Variants in CEP104 observed in about 807,000 individuals in gnomAD.
CEP104 encodes centrosomal protein of 104 kDa.
CEP104 carries 84 observed loss-of-function variants against 113.3 expected under a neutral mutation model. The observed-to-expected ratio is 0.74, with a 90% CI of 0.62 to 0.89. CEP104 has a LOEUF of 0.89. Among genes scored for constraint, CEP104 ranks in the 40% least tolerant of loss-of-function variants. CEP104 has a pLI of 0.00. For synonymous variants in CEP104, 378 were observed against 421.7 expected (o/e 0.90, Z 1.27); for missense variants, 1,053 against 1,156.6 (o/e 0.91, Z 1.30).
rs534757214 is a variant in CEP104, at chr1:3,812,148, A to T, written c.*3254T>A. On this transcript the variant is annotated 3_prime_UTR_variant, in exon 22 of 22. Coordinates refer to ENST00000378230, the MANE Select transcript of CEP104 (RefSeq NM_014704.4). The stretch of plus-strand genomic sequence containing the variant: ...GAATTAACCCTTAAGCCCTAAAACG[A>T]CAACAAAAATATATTACTTAGATAT... 35 of 152,324 alleles carry T rather than the reference A, an allele frequency of 2.3e-4. No individual in the cohort carries two copies. Among genetic ancestry groups the T allele is most frequent in the African/African-American group, 7.2e-4 (30 of 41,582 alleles). The allele number at this position is 152,324 out of a possible 1,614,324, so 9.4% of individuals were successfully genotyped here.
chr1:3,825,842 C>T lies in CEP104; in HGVS notation c.2280G>A (p.Arg760=). 6.2e-7 allele frequency: 1 copy of T among 1,613,218 alleles called. No individual in the cohort carries two copies. Among genetic ancestry groups the T allele is most frequent in the South Asian group, 1.1e-5 (1 of 91,052 alleles). Residue 760 remains arginine (R), a synonymous_variant, in exon 18 of 22, where the codon AGG becomes AGA. Transcript: ENST00000378230. Reference sequence around the variant, plus strand: ...GACCTTCCTCTGTGAAGGATTCACTCCTTTCCCCACAAAAAATACACAAAC... The same window carrying T: ...GACCTTCCTCTGTGAAGGATTCACTTCTTTCCCCACAAAAAATACACAAAC... ...LDNLCIFCGE[R]SESFTEEGLD...
At chr1:3,844,645 C>G (rs1193592413) in intron 6 of CEP104, among the ~76,000 whole-genome samples, 1 of 129,618 alleles carries the variant, frequency 7.7e-6, no homozygotes, top group Admixed American at 9.4e-5. Context: ...TTATAGTGAG[C>G]CGAGATTGTG....
chr1:3,816,622 C>T (rs1357782374), intron 20 of CEP104, among the ~76,000 whole-genome samples: 1 of 152,258 alleles, frequency 6.6e-6, no homozygotes, highest in Non-Finnish European at 1.5e-5. Flanking sequence ...CATCCCCACC[C>T]AGCCACACAG....
rs1475050855 is a variant in CEP104, at chr1:3,834,918, C to A, written c.1485+7G>T. 18 of 1,574,026 alleles carry A rather than the reference C, an allele frequency of 1.1e-5. No individual in the cohort carries two copies. Among genetic ancestry groups the A allele is most frequent in the Non-Finnish European group, 1.6e-5 (18 of 1,158,604 alleles). On this transcript the variant is annotated splice_region_variant and intron_variant, in intron 11 of 21. Transcript: ENST00000378230. ...CGCTGGAGCCAGCGCCAGCTGAGGG[C>A]ACTCACGGAGGTCACAATGTCCTTT...
chr1:3,847,336 C>CA, intron 4 of CEP104, 139 bp downstream of exon 4: 1 of 896,850 alleles, frequency 1.1e-6, no homozygotes, highest in Non-Finnish European at 1.7e-6. Flanking sequence ...CAGCACAGCT[C>CA]AGAGAGCTCA....
Position 3,829,315 on chromosome 1 carries a change from GC to G in CEP104, c.2101del (p.Ala701LeufsTer9). ...CAGTGCTGCCAGCTGCCCTTGTAAAGCTTTTATTTCTTCTTTCTTTTGTTTT... is the reference window on the plus strand; with the variant it reads ...CAGTGCTGCCAGCTGCCCTTGTAAAGTTTTATTTCTTCTTTCTTTTGTTTT... Reference protein sequence around the residue: ...AEKQKKEEIKALQGQLAALKE... With the variant: ...AEKQKKEEIKXLQGQLAALKE... On this transcript the variant is annotated frameshift_variant, in exon 15 of 22. Transcript: ENST00000378230. LOFTEE classifies it high-confidence loss of function. 6.2e-7 allele frequency: 1 copy of G among 1,601,856 alleles called. No homozygotes were observed. Among genetic ancestry groups the G allele is most frequent in the Non-Finnish European group, 8.5e-7 (1 of 1,177,644 alleles).
intron 12 of CEP104, among the ~76,000 whole-genome samples, chr1:3,832,239 G>A (rs534539168): frequency 0.046 from 889 of 19,532 alleles, 10 homozygotes; most frequent in African/African-American, 0.17. Context: ...ACATTAGGTC[G>A]TAACCAGGAG....
At chr1:3,816,835 C>T (rs1282343687) in intron 20 of CEP104, among the ~76,000 whole-genome samples, 2 of 152,298 alleles carry the variant, frequency 1.3e-5, no homozygotes. Context: ...ACGCCACATG[C>T]ACTTGCCCTG....
chr1:3,834,623 G>A (rs1187095008), intron 11 of CEP104, among the ~76,000 whole-genome samples: 2 of 152,262 alleles, frequency 1.3e-5, no homozygotes, highest in African/African-American at 2.4e-5. Flanking sequence ...AACTGAAGAT[G>A]TGGTAGCATT....
intron 12 of CEP104, 146 bp from the exon 13 acceptor site, chr1:3,831,368 T>C: frequency 3.4e-6 from 2 of 594,688 alleles, no homozygotes; most frequent in Non-Finnish European, 5.8e-6. Context: ...AGAGCACTGA[T>C]CCGTAAGCTT....
intron 18 of CEP104, among the ~76,000 whole-genome samples, chr1:3,824,023 C>A (rs1644034477): frequency 6.6e-6 from 1 of 152,236 alleles, no homozygotes; most frequent in Admixed American, 6.5e-5. Context: ...TAACTTCAGG[C>A]CGCAGGACTT....
At position 3,837,295 on chromosome 1, in the gene CEP104, G is replaced by A; in HGVS notation, c.1116C>T (p.Ile372=). 1 of 1,607,498 alleles carries A rather than the reference G, an allele frequency of 6.2e-7. No individual in the cohort carries two copies. Among genetic ancestry groups the A allele is most frequent in the Non-Finnish European group, 8.5e-7 (1 of 1,174,274 alleles). Residue 372 remains isoleucine, a synonymous_variant, in exon 9 of 22, where the codon ATC becomes ATT. Coordinates refer to ENST00000378230, the MANE Select transcript of CEP104 (RefSeq NM_014704.4). ...LLPATDPHPK[I]NAESLPYDER... Reference sequence around the variant, plus strand: ...AATCTGAAACAGAATTACCTACATTGATCTTTGGATGAGGATCTGTGGCAG... The same window carrying A: ...AATCTGAAACAGAATTACCTACATTAATCTTTGGATGAGGATCTGTGGCAG...
chr1:3,855,591 A>G (rs939518804), intron 1 of CEP104, among the ~76,000 whole-genome samples: 24 of 152,294 alleles, frequency 1.6e-4, no homozygotes, highest in African/African-American at 5.5e-4. Flanking sequence ...AAAACAAAGT[A>G]CTGGCATTTA....
rs948310496 is a variant in CEP104, at chr1:3,814,209, T to A, written c.*1193A>T. 1 of 152,178 alleles carries A rather than the reference T, an allele frequency of 6.6e-6. No homozygotes were observed. Among genetic ancestry groups the A allele is most frequent in the Non-Finnish European group, 1.5e-5 (1 of 68,052 alleles). The allele number at this position is 152,178 out of a possible 1,614,324, so 9.4% of individuals were successfully genotyped here. On this transcript the variant is annotated 3_prime_UTR_variant, in exon 22 of 22. Transcript: ENST00000378230. ...GGCACCAGGTGGGAGGGGACTGCCC[T>A]TCAGTCCATGGTAGCCTAGGCCCCT...
chr1:3,823,409 G>C lies in CEP104; in HGVS notation c.2503+15C>G, dbSNP rs764026948. On this transcript the variant is annotated intron_variant, in intron 19 of 21. Coordinates refer to ENST00000378230, the MANE Select transcript of CEP104 (RefSeq NM_014704.4). The surrounding 1 kb of genome is among the most constrained non-coding windows in gnomAD (Gnocchi z 4.1). ...GGTGACCCGAGGGCACGGGAGCCTG[G>C]GAAGGGGCACTCACGGTTGCAATCC... is the stretch of plus-strand genomic sequence containing the variant. 5 of 1,614,198 alleles carry C rather than the reference G, an allele frequency of 3.1e-6. No individual in the cohort carries two copies. In the South Asian group the frequency reaches 5.5e-5, roughly 18 times the overall value.
At chr1:3,821,667 C>A (rs1380884232) in intron 20 of CEP104, among the ~76,000 whole-genome samples, 1 of 152,190 alleles carries the variant, frequency 6.6e-6, no homozygotes, top group African/African-American at 2.4e-5. Context: ...GAAGCGGCCA[C>A]ACTCACACCG....
chr1:3,825,273 G>A (rs1241535474), intron 18 of CEP104, among the ~76,000 whole-genome samples: 1 of 152,190 alleles, frequency 6.6e-6, no homozygotes, highest in Non-Finnish European at 1.5e-5. Context: ...ACAACACATT[G>A]TGAACCCAAG....
Position 3,819,060 on chromosome 1 carries a change from C to T in CEP104, c.2572-2690G>A, listed in dbSNP as rs545052477. 6.6e-6 allele frequency among the ~76,000 whole-genome samples: 1 copy of T among 152,292 alleles called. No individual in the cohort carries two copies. Among genetic ancestry groups the T allele is most frequent in the Admixed American group, 6.5e-5 (1 of 15,290 alleles). On this transcript the variant is annotated intron_variant, in intron 20 of 21. Transcript: ENST00000378230. This position sits in a 1 kb window ranked among gnomAD's most constrained non-coding sequence, Gnocchi z 4.6. Reference sequence around the variant, plus strand: ...GAGGGTGTCAAACTTCACTGTTTATCCCCCTTCACATTCAGAAAAATTCCA... The same window carrying T: ...GAGGGTGTCAAACTTCACTGTTTATTCCCCTTCACATTCAGAAAAATTCCA...
intron 8 of CEP104, among the ~76,000 whole-genome samples, chr1:3,838,270 A>T (rs973756101): frequency 5.9e-5 from 9 of 151,788 alleles, no homozygotes; most frequent in Non-Finnish European, 1.2e-4. Context: ...CTCCTGTCTC[A>T]CTCTCCTGAG....
Sources: gnomAD v4.1 joint callset for allele counts (sites outside exome capture counted in the v4.1 genomes callset) on GRCh38, gnomAD v4.1.1 for gene constraint, Gnocchi (gnomAD v3.1) non-coding constraint, MANE v1.5 for transcripts, NCBI Gene and HGNC (gene_info 2026-07-23, HGNC 2026-07-21) for gene names.